The following MLXIPL variants were observed in gnomAD, a reference collection of about 807,000 sequenced individuals.
MLXIPL encodes MLX interacting protein like.
In MLXIPL, 49 loss-of-function variants were observed where a neutral mutation model predicts 81.5. That is an observed-to-expected ratio of 0.60 (90% CI 0.48 to 0.76). The LOEUF (loss-of-function observed/expected upper bound fraction) is 0.76, where lower values mean the gene tolerates loss of function less well. MLXIPL is among the 30% of genes least tolerant of loss of function. The pLI, the probability that MLXIPL is intolerant of heterozygous loss-of-function variation, is 0.00. For missense variants in MLXIPL, 1,053 were observed against 1,167.0 expected (o/e 0.90, Z 1.42); for synonymous variants, 466 against 485.5 (o/e 0.96, Z 0.53).
At chr7:73,640,499 G>A in the MLXIPL span, among the ~76,000 whole-genome samples, 5 of 151,738 alleles carry the variant, frequency 3.3e-5, no homozygotes, top group African/African-American at 9.7e-5. Flanking sequence ...GATGGCGGCC[G>A]GGCGTGGTGG....
intron 7 of MLXIPL, among the ~76,000 whole-genome samples, chr7:73,601,176 AGTGTGTGTGTGT>A (rs55639253): frequency 1.2e-4 from 16 of 137,730 alleles, no homozygotes; most frequent in Middle Eastern, 3.8e-3. Flanking sequence ...TGCAGGGTCA[AGTGTGTGTGTGT>A]GTGTGTGTGT....
chr7:73,605,489 G>T (rs1795201588), intron 7 of MLXIPL, among the ~76,000 whole-genome samples, 199 bp downstream of exon 7: 1 of 152,236 alleles, frequency 6.6e-6, no homozygotes, highest in South Asian at 2.1e-4. Flanking sequence ...TGAGTCTGGA[G>T]GGCAGAGGTT....
chr7:73,641,601 C>T, the MLXIPL span, among the ~76,000 whole-genome samples: 2 of 152,116 alleles, frequency 1.3e-5, no homozygotes, highest in African/African-American at 2.4e-5. Context: ...TCTCTGACAC[C>T]AGCTGTGTGT....
At chr7:73,599,409 A>C in intron 8 of MLXIPL, 117 bp downstream of exon 8, 1 of 1,315,734 alleles carries the variant, frequency 7.6e-7, no homozygotes. Flanking sequence ...CTTTCCCTCC[A>C]ATCTCCAAGC....
intron 1 of MLXIPL, among the ~76,000 whole-genome samples, chr7:73,621,617 C>T (rs1352963236): frequency 6.6e-6 from 1 of 151,872 alleles, no homozygotes; most frequent in African/African-American, 2.4e-5. Context: ...AGGGCTTTTC[C>T]ACTACCAAAT....
intron 1 of MLXIPL, among the ~76,000 whole-genome samples, chr7:73,617,615 C>T (rs1198050980): frequency 3.9e-5 from 6 of 152,018 alleles, no homozygotes; most frequent in Admixed American, 6.6e-5. Context: ...GAGGCCAAGG[C>T]GGGAGGATCG....
At chr7:73,605,140 G>A (rs1795177479) in intron 7 of MLXIPL, among the ~76,000 whole-genome samples, 1 of 152,232 alleles carries the variant, frequency 6.6e-6, no homozygotes, top group African/African-American at 2.4e-5. Context: ...TCTCCCCTGA[G>A]AGAGTCCCAG....
the MLXIPL span, among the ~76,000 whole-genome samples, chr7:73,644,376 A>C: frequency 6.6e-6 from 1 of 151,652 alleles, no homozygotes; most frequent in Non-Finnish European, 1.5e-5. Flanking sequence ...TGCCCGGCTA[A>C]TTTTTGTATT....
chr7:73,596,306 G>A lies in MLXIPL; in HGVS notation c.1939-34C>T. 1.9e-6 allele frequency: 3 copies of A among 1,613,230 alleles called. No individual in the cohort carries two copies. The highest frequency in any genetic ancestry group is 2.5e-6 in the Non-Finnish European group (3 of 1,179,844). The stretch of plus-strand genomic sequence containing the variant: ...GCAGAGAGTTGGGTGAGCCTAGGAA[G>A]GAGCCCAGGAGGGCCTGGGGGTAGC... On this transcript the variant is annotated intron_variant, in intron 12 of 16. Transcript: ENST00000313375. The surrounding 1 kb of genome is among the most constrained non-coding windows in gnomAD (Gnocchi z 4.7).
chr7:73,633,845 C>T, the MLXIPL span, among the ~76,000 whole-genome samples: 1 of 152,154 alleles, frequency 6.6e-6, no homozygotes, highest in Non-Finnish European at 1.5e-5. Context: ...CCCTCAGCTC[C>T]TCTCACCAGC....
At chr7:73,645,029 ATT>A in the MLXIPL span, among the ~76,000 whole-genome samples, 1 of 146,264 alleles carries the variant, frequency 6.8e-6, no homozygotes. Flanking sequence ...TGGGTAGAGC[ATT>A]TTTTTTTTTT....
chr7:73,617,837 C>T (rs1415110323), intron 1 of MLXIPL, among the ~76,000 whole-genome samples: 2 of 152,102 alleles, frequency 1.3e-5, no homozygotes, highest in Admixed American at 1.3e-4. Context: ...AGAGCAAGAT[C>T]CTGTCTTGAA....
chr7:73,641,668 AC>A, the MLXIPL span, among the ~76,000 whole-genome samples: 1 of 152,060 alleles, frequency 6.6e-6, no homozygotes, highest in East Asian at 1.9e-4. Context: ...TCGCTCTGTC[AC>A]CCAGGCTGGA....
At chr7:73,645,979 A>AGTTCCT in the MLXIPL span, among the ~76,000 whole-genome samples, 1 of 152,164 alleles carries the variant, frequency 6.6e-6, no homozygotes, top group Non-Finnish European at 1.5e-5. Flanking sequence ...AGCAAACCCC[A>AGTTCCT]GTTCCTCTTC....
chr7:73,644,684 C>G, the MLXIPL span, among the ~76,000 whole-genome samples: 4 of 152,104 alleles, frequency 2.6e-5, no homozygotes, highest in Non-Finnish European at 5.9e-5. Context: ...CCTTCCTGGT[C>G]GACATCTCTG....
upstream of MLXIPL, among the ~76,000 whole-genome samples, chr7:73,628,428 C>G (rs559218251): frequency 1.3e-5 from 2 of 152,158 alleles, no homozygotes; most frequent in African/African-American, 4.8e-5. Flanking sequence ...AAAGACAAAC[C>G]CTGACTGCAC....
chr7:73,638,029 A>G, the MLXIPL span, among the ~76,000 whole-genome samples: 1 of 152,030 alleles, frequency 6.6e-6, no homozygotes, highest in Non-Finnish European at 1.5e-5. Flanking sequence ...GGCCTCCCCC[A>G]TTAACCAAGC....
chr7:73,599,071 G>GA (rs781997234), intron 8 of MLXIPL, among the ~76,000 whole-genome samples: 167 of 120,586 alleles, frequency 1.4e-3, no homozygotes, highest in Admixed American at 1.7e-3. Context: ...CTGTCTCAAA[G>GA]AAAAAAAAAA....
At chr7:73,594,090 C>T in intron 16 of MLXIPL, 107 bp from the exon 17 acceptor site, 1 of 1,376,888 alleles carries the variant, frequency 7.3e-7, no homozygotes, top group Non-Finnish European at 1.0e-6. Flanking sequence ...GCAAGACTGT[C>T]ACCCCCTCCT....
Sources: allele counts gnomAD v4.1 joint callset (sites outside exome capture counted in the v4.1 genomes callset), GRCh38; gene constraint gnomAD v4.1.1; non-coding constraint Gnocchi (gnomAD v3.1); transcripts MANE v1.5; gene names NCBI Gene and HGNC (gene_info 2026-07-23, HGNC 2026-07-21).